The following GRM7 variants were observed in gnomAD, a reference collection of about 807,000 sequenced individuals.
GRM7 encodes glutamate metabotropic receptor 7, also known as metabotropic glutamate receptor 7.
GRM7 carries 35 observed loss-of-function variants against 84.5 expected under a neutral mutation model. That is an observed-to-expected ratio of 0.41 (90% CI 0.32 to 0.55). GRM7 has a LOEUF of 0.55. Among genes scored for constraint, GRM7 ranks in the 20% least tolerant of loss-of-function variants. The probability of loss-of-function intolerance (pLI) is 0.19; values close to 1 mark genes in which losing one functional copy is unlikely to be tolerated. For synonymous variants in GRM7, 487 were observed against 455.1 expected (o/e 1.07, Z -0.89); for missense variants, 1,003 against 1,194.6 (o/e 0.84, Z 2.36).
At chr3:7,459,177 C>T (rs1698139622) in intron 6 of GRM7, among the ~76,000 whole-genome samples, 1 of 152,158 alleles carries the variant, frequency 6.6e-6, no homozygotes, top group Admixed American at 6.5e-5. Flanking sequence ...TGGCCACACA[C>T]AGATTCAGCT....
chr3:7,371,617 C>T (rs1694138202), intron 4 of GRM7, among the ~76,000 whole-genome samples: 2 of 152,104 alleles, frequency 1.3e-5, no homozygotes, highest in Non-Finnish European at 2.9e-5. Flanking sequence ...CTGAGCAATG[C>T]ACAATGATGT....
chr3:7,720,127 A>G (rs75789509), intron 9 of GRM7, among the ~76,000 whole-genome samples: 3,492 of 152,234 alleles, frequency 0.023, 136 homozygotes, highest in African/African-American at 0.08. Context: ...TAGACAGTTT[A>G]AAGGCAAGAA....
At chr3:7,326,179 A>AG (rs1333757804) in intron 4 of GRM7, among the ~76,000 whole-genome samples, 9 of 149,078 alleles carry the variant, frequency 6.0e-5, no homozygotes, top group Middle Eastern at 3.4e-3. Flanking sequence ...GCAAAAAAAA[A>AG]AGAAAAAAAA....
At chr3:7,449,136 T>C (rs1250335900) in intron 5 of GRM7, among the ~76,000 whole-genome samples, 2 of 152,030 alleles carry the variant, frequency 1.3e-5, no homozygotes, top group African/African-American at 4.8e-5. Flanking sequence ...TAATAGAAAG[T>C]TGGAAAACAG....
At chr3:7,166,892 C>T (rs1234903638) in intron 2 of GRM7, among the ~76,000 whole-genome samples, 1 of 152,078 alleles carries the variant, frequency 6.6e-6, no homozygotes, top group Non-Finnish European at 1.5e-5. Context: ...TAAAATTTGA[C>T]TATTTGTGTT....
intron 7 of GRM7, among the ~76,000 whole-genome samples, chr3:7,467,390 A>C (rs1435674658): frequency 6.6e-6 from 1 of 152,204 alleles, no homozygotes; most frequent in Non-Finnish European, 1.5e-5. Flanking sequence ...CCGGGCGCCA[A>C]GTTTTCCTTT....
At chr3:7,332,863 A>T (rs1575179559) in intron 4 of GRM7, among the ~76,000 whole-genome samples, 1 of 151,484 alleles carries the variant, frequency 6.6e-6, no homozygotes, top group South Asian at 2.1e-4. Flanking sequence ...TACTGGATGG[A>T]TGGTTTTTTC....
chr3:7,609,924 C>T (rs1327611269), intron 8 of GRM7, among the ~76,000 whole-genome samples: 5 of 152,174 alleles, frequency 3.3e-5, no homozygotes, highest in African/African-American at 9.7e-5. Flanking sequence ...ATATAGCCAT[C>T]CCATTCATAG....
intron 7 of GRM7, among the ~76,000 whole-genome samples, chr3:7,506,160 C>T (rs949236615): frequency 2.0e-5 from 3 of 152,170 alleles, no homozygotes; most frequent in African/African-American, 7.2e-5. Context: ...CTATAAAACC[C>T]TCAGGCACAG....
chr3:7,684,458 T>C (rs1700501488), intron 9 of GRM7, among the ~76,000 whole-genome samples: 1 of 152,204 alleles, frequency 6.6e-6, no homozygotes, highest in Non-Finnish European at 1.5e-5. Context: ...TCAATGTATT[T>C]CAATCTTCAG....
chr3:7,383,359 G>T (rs542646652), intron 4 of GRM7, among the ~76,000 whole-genome samples: 1 of 152,144 alleles, frequency 6.6e-6, no homozygotes, highest in East Asian at 1.9e-4. Context: ...TGAAAGTGGG[G>T]ATGGACATAA....
chr3:7,213,360 A>G (rs1454205732), intron 2 of GRM7, among the ~76,000 whole-genome samples: 4 of 152,180 alleles, frequency 2.6e-5, no homozygotes, highest in Admixed American at 2.6e-4. Context: ...TCTCATAATA[A>G]GATTATTGAG....
At chr3:7,408,927 A>C (rs901501501) in intron 4 of GRM7, among the ~76,000 whole-genome samples, 2 of 152,202 alleles carry the variant, frequency 1.3e-5, no homozygotes, top group Non-Finnish European at 2.9e-5. Flanking sequence ...CAAATATCCA[A>C]CTGGTTGCTG....
intron 4 of GRM7, among the ~76,000 whole-genome samples, chr3:7,372,176 G>T (rs1694165335): frequency 6.6e-6 from 1 of 152,144 alleles, no homozygotes; most frequent in South Asian, 2.1e-4. Flanking sequence ...AACTAGTTAA[G>T]AAATAACTAG....
intron 4 of GRM7, among the ~76,000 whole-genome samples, chr3:7,335,190 A>T (rs537278220): frequency 1.6e-4 from 24 of 152,318 alleles, no homozygotes; most frequent in African/African-American, 5.5e-4. Flanking sequence ...TAAGTTTAAG[A>T]TAATCTAAAT....
intron 8 of GRM7, among the ~76,000 whole-genome samples, chr3:7,662,283 T>G (rs1699497714): frequency 6.6e-6 from 1 of 152,096 alleles, no homozygotes; most frequent in African/African-American, 2.4e-5. Context: ...TAAGGAACTT[T>G]TGGAGGTGAT....
intron 8 of GRM7, among the ~76,000 whole-genome samples, chr3:7,622,630 C>T (rs1188242571): frequency 2.0e-5 from 3 of 151,924 alleles, no homozygotes; most frequent in Non-Finnish European, 4.4e-5. Context: ...GAGCTGAAAT[C>T]CCAAAGAAGG....
chr3:7,232,209 G>T (rs909929894), intron 2 of GRM7, among the ~76,000 whole-genome samples: 1 of 151,960 alleles, frequency 6.6e-6, no homozygotes, highest in African/African-American at 2.4e-5. Flanking sequence ...ATGTATATGG[G>T]TGAACTCTCT....
chr3:7,355,713 G>C (rs1008983025), intron 4 of GRM7, among the ~76,000 whole-genome samples: 2 of 152,058 alleles, frequency 1.3e-5, no homozygotes, highest in African/African-American at 4.8e-5. Context: ...GTGTACAGCA[G>C]GACTCCATCA....
Sources: gnomAD v4.1 joint callset for allele counts (sites outside exome capture counted in the v4.1 genomes callset) on GRCh38, gnomAD v4.1.1 for gene constraint, MANE v1.5 for transcripts, NCBI Gene and HGNC (gene_info 2026-07-23, HGNC 2026-07-21) for gene names.